Variants in SLC4A4 observed in about 807,000 individuals in gnomAD.
The protein encoded by SLC4A4 is electrogenic sodium bicarbonate cotransporter 1.
In SLC4A4, 27 loss-of-function variants were observed where a neutral mutation model predicts 111.5. That is an observed-to-expected ratio of 0.24 (90% CI 0.18 to 0.33). The LOEUF is 0.33. Ranked by LOEUF, SLC4A4 falls within the 10% of genes least tolerant of loss-of-function variation. The probability of loss-of-function intolerance (pLI) is 1.00; values close to 1 mark genes in which losing one functional copy is unlikely to be tolerated. For synonymous variants in SLC4A4, 443 were observed against 463.4 expected (o/e 0.96, Z 0.57); for missense variants, 909 against 1,315.5 (o/e 0.69, Z 4.78).
At chr4:71,231,470 G>A (rs1266780133) in intron 1 of SLC4A4, among the ~76,000 whole-genome samples, 1 of 152,218 alleles carries the variant, frequency 6.6e-6, no homozygotes, top group Non-Finnish European at 1.5e-5. Flanking sequence ...GATATGACAT[G>A]TGTTACAGTT....
chr4:71,322,998 G>C (rs549366323), intron 3 of SLC4A4, among the ~76,000 whole-genome samples: 10 of 151,904 alleles, frequency 6.6e-5, no homozygotes, highest in Non-Finnish European at 1.3e-4. Flanking sequence ...GGCTATTCTA[G>C]TCCCTAAACA....
intron 3 of SLC4A4, among the ~76,000 whole-genome samples, chr4:71,284,213 T>C (rs975784956): frequency 2.6e-5 from 4 of 152,238 alleles, no homozygotes; most frequent in African/African-American, 9.6e-5. Context: ...CCTTTAATGG[T>C]AGAAAGACTT....
At chr4:71,143,943 G>T (rs866879948) in intron 2 of SLC4A4, among the ~76,000 whole-genome samples, 38 of 152,124 alleles carry the variant, frequency 2.5e-4, no homozygotes, top group Middle Eastern at 3.4e-3. Context: ...AGAAGCTCTT[G>T]AGTTTAATTA....
At chr4:71,442,020 C>T (rs1560511879) in intron 8 of SLC4A4, among the ~76,000 whole-genome samples, 1 of 152,138 alleles carries the variant, frequency 6.6e-6, no homozygotes, top group Non-Finnish European at 1.5e-5. Context: ...TGGAGTCCAG[C>T]TCTGTGCCCC....
At chr4:71,103,255 AC>A in intron 2 of SLC4A4, among the ~76,000 whole-genome samples, 1 of 151,698 alleles carries the variant, frequency 6.6e-6, no homozygotes, top group South Asian at 2.1e-4. Context: ...ATACAGGAGC[AC>A]CCAGATTCAT....
At chr4:71,357,796 G>A (rs142172350) in intron 6 of SLC4A4, among the ~76,000 whole-genome samples, 48 of 149,048 alleles carry the variant, frequency 3.2e-4, no homozygotes, top group African/African-American at 1.1e-3. Flanking sequence ...GTAAGGCACT[G>A]TATCCTATCT....
At position 71,453,597 on chromosome 4, in the gene SLC4A4, C is replaced by T. The variant is rs1416357679; in HGVS notation, c.1425C>T (p.Phe475=). ...TTCAAGCTCTTTCGGCAATTCTCTT[C>T]ATTTATCTGGCAACTGTAACTAATG... The part of the protein sequence containing the change: ...LNIQALSAIL[F]IYLATVTNAI... Residue 475 remains phenylalanine (F), a synonymous_variant, in exon 12 of 26, where the codon TTC becomes TTT. Coordinates refer to ENST00000264485, the MANE Select transcript of SLC4A4 (RefSeq NM_001098484.3). 8 of 1,613,980 alleles carry T rather than the reference C, an allele frequency of 5.0e-6. No homozygotes were observed. The highest frequency in any genetic ancestry group is 6.8e-6 in the Non-Finnish European group (8 of 1,179,892).
Position 71,447,652 on chromosome 4 carries a change from G to C in SLC4A4, c.972G>C (p.Leu324Phe). 5 of 1,606,832 alleles carry C rather than the reference G, an allele frequency of 3.1e-6. No individual in the cohort carries two copies. Among genetic ancestry groups the C allele is most frequent in the Non-Finnish European group, 4.3e-6 (5 of 1,173,706 alleles). ...TTCTTTCCTTTTCCATTAGGTTCTT[G>C]TTCATTCTCTTAGGTCCTAAGGGGA... is the stretch of plus-strand genomic sequence containing the variant. ...LTEVPVPTRFLFILLGPKGKA... is the reference protein window; with the variant it reads ...LTEVPVPTRFFFILLGPKGKA... Residue 324 changes from leucine to phenylalanine, a missense_variant, in exon 9 of 26, where the codon TTG becomes TTC. By Grantham distance (22) the Leu-to-Phe change is conservative. Around this residue, in one of 7 missense-constraint regions of SLC4A4, gnomAD observed 312 missense variants for 402.0 expected, o/e 0.78. Transcript: ENST00000264485.
At chr4:71,273,678 C>CTT (rs772319559) in intron 3 of SLC4A4, among the ~76,000 whole-genome samples, 13 of 134,238 alleles carry the variant, frequency 9.7e-5, no homozygotes, top group African/African-American at 2.6e-4. Flanking sequence ...TTCTAGAATT[C>CTT]TTTTTTTTTT....
intron 15 of SLC4A4, among the ~76,000 whole-genome samples, chr4:71,488,211 T>C (rs1298819672): frequency 6.6e-6 from 1 of 151,084 alleles, no homozygotes; most frequent in Non-Finnish European, 1.5e-5. Flanking sequence ...TTGTAATAAA[T>C]ATTAGTGAAA....
intron 1 of SLC4A4, among the ~76,000 whole-genome samples, chr4:71,214,858 A>G (rs1235798506): frequency 6.6e-6 from 1 of 152,068 alleles, no homozygotes; most frequent in Non-Finnish European, 1.5e-5. Flanking sequence ...ACTTACTCCA[A>G]CCCTGGTTTA....
intron 3 of SLC4A4, among the ~76,000 whole-genome samples, chr4:71,269,506 AT>A (rs1023909074): frequency 2.0e-5 from 3 of 151,914 alleles, no homozygotes; most frequent in East Asian, 3.9e-4. Flanking sequence ...GTCTTTAAAA[AT>A]TTTTTTTTGT....
At position 71,542,274 on chromosome 4, in the gene SLC4A4, G is replaced by T. The variant is rs143201470; in HGVS notation, c.2443-4076G>T. On this transcript the variant is annotated intron_variant, in intron 18 of 25. Transcript: ENST00000264485. ...TTCTCCATAAACTCTCCCCAGTGTT[G>T]TTCCTTTAGTTTAAACTGCATCTTC... Among the ~76,000 whole-genome samples the T allele has an allele frequency of 3.9e-5, 6 of 152,142 alleles. No individual in the cohort carries two copies. The East Asian group carries it at 1.2e-3, about 29-fold the overall frequency.
chr4:71,567,097 C>G lies in SLC4A4; in HGVS notation c.*36+14C>G. On this transcript the variant is annotated intron_variant, in intron 25 of 25. Coordinates refer to ENST00000264485, the MANE Select transcript of SLC4A4 (RefSeq NM_001098484.3). The stretch of plus-strand genomic sequence containing the variant: ...CGGTATGCCAAGGTAAAGGAGAGCC[C>G]AGTATTTTATGTTTTTCTGTGGGAT... 1 of 1,596,454 alleles carries G rather than the reference C, an allele frequency of 6.3e-7. No individual in the cohort carries two copies. Among genetic ancestry groups the G allele is most frequent in the South Asian group, 1.1e-5 (1 of 89,292 alleles).
intron 21 of SLC4A4, 59 bp from the exon 22 acceptor site, chr4:71,557,653 G>A (rs545774229): frequency 4.0e-6 from 6 of 1,501,910 alleles, no homozygotes; most frequent in African/African-American, 2.8e-5. Context: ...TGATTAGTTA[G>A]GCATAGTGGA....
intron 16 of SLC4A4, among the ~76,000 whole-genome samples, chr4:71,517,445 A>G (rs781030876): frequency 1.1e-4 from 16 of 151,860 alleles, no homozygotes; most frequent in Non-Finnish European, 2.2e-4. Context: ...TTTTTCTTTT[A>G]ATAATTTCAT....
chr4:71,334,328 T>C (rs533901760), intron 3 of SLC4A4, among the ~76,000 whole-genome samples: 1 of 152,088 alleles, frequency 6.6e-6, no homozygotes, highest in African/African-American at 2.4e-5. Flanking sequence ...GGGCCTGGAA[T>C]TGGGGCCTTA....
chr4:71,125,325 A>T (rs1330590169), intron 2 of SLC4A4, among the ~76,000 whole-genome samples: 2 of 152,246 alleles, frequency 1.3e-5, no homozygotes, highest in Non-Finnish European at 2.9e-5. Context: ...CCAGTGGCTC[A>T]TACCTGTAAT....
intron 3 of SLC4A4, among the ~76,000 whole-genome samples, chr4:71,288,555 T>C (rs562439660): frequency 6.6e-6 from 1 of 152,038 alleles, no homozygotes; most frequent in Non-Finnish European, 1.5e-5. Flanking sequence ...TGTGCCACCA[T>C]GCCTGCCTAA....
Sources: gnomAD v4.1 joint callset for allele counts (sites outside exome capture counted in the v4.1 genomes callset) on GRCh38, gnomAD v4.1.1 for gene constraint, gnomAD v4.1.1 regional missense constraint, MANE v1.5 for transcripts, NCBI Gene and HGNC (gene_info 2026-07-23, HGNC 2026-07-21) for gene names.